The following AUTS2 variants were observed in gnomAD, a reference collection of about 807,000 sequenced individuals.
AUTS2 encodes autism susceptibility gene 2 protein.
AUTS2 carries 17 observed loss-of-function variants against 112.4 expected under a neutral mutation model. The ratio of observed to expected loss-of-function variants is 0.15; its 90% CI spans 0.10 to 0.23. The LOEUF (loss-of-function observed/expected upper bound fraction) is 0.23, where lower values mean the gene tolerates loss of function less well. Ranked by LOEUF, AUTS2 falls within the 10% of genes least tolerant of loss-of-function variation. The pLI is 1.00. For missense variants in AUTS2, 1,510 were observed against 1,701.6 expected, an observed-to-expected ratio of 0.89 and a Z score of 1.98; for synonymous variants, 751 against 702.7, an observed-to-expected ratio of 1.07 and a Z score of -1.09.
chr7:70,106,401 C>G (rs1305115657), intron 2 of AUTS2, among the ~76,000 whole-genome samples: 2 of 152,142 alleles, frequency 1.3e-5, no homozygotes, highest in Non-Finnish European at 2.9e-5. Flanking sequence ...CACTGGACGT[C>G]ATATGAATGA....
chr7:70,653,130 C>T (rs1806596303), intron 5 of AUTS2, among the ~76,000 whole-genome samples: 1 of 152,116 alleles, frequency 6.6e-6, no homozygotes. Flanking sequence ...TGGTACACAC[C>T]TGCAGTCCTA....
Position 70,790,228 on chromosome 7 carries a change from G to A in AUTS2, c.3012G>A (p.Glu1004=). Residue 1004 remains glutamate (E), a synonymous_variant, in exon 19 of 19, where the codon GAG becomes GAA. Transcript: ENST00000342771. This position sits in a 1 kb window ranked among gnomAD's most constrained non-coding sequence, Gnocchi z 7.6. Reference sequence around the variant, plus strand: ...CCCCGCAGACCCACCGGGCCTCGGAGCCGCCGCCTCCCAACTCCTCGTCCA... The same window carrying A: ...CCCCGCAGACCCACCGGGCCTCGGAACCGCCGCCTCCCAACTCCTCGTCCA... ...PEAPQTHRAS[E]PPPPNSSSSV... 1.2e-6 allele frequency: 2 copies of A among 1,612,574 alleles called. No individual in the cohort carries two copies. Among genetic ancestry groups the A allele is most frequent in the South Asian group, 1.1e-5 (1 of 91,022 alleles).
chr7:69,973,802 T>C (rs1208846993), intron 2 of AUTS2, among the ~76,000 whole-genome samples: 1 of 152,156 alleles, frequency 6.6e-6, no homozygotes, highest in East Asian at 1.9e-4. Context: ...TCAATGTGTA[T>C]AATTCTTTGT....
At chr7:70,230,343 G>A (rs1345598093) in intron 4 of AUTS2, among the ~76,000 whole-genome samples, 1 of 152,088 alleles carries the variant, frequency 6.6e-6, no homozygotes, top group Non-Finnish European at 1.5e-5. Context: ...TGTGGCTGCT[G>A]TTGTCTCTAC....
chr7:70,520,843 C>T (rs1185347781), intron 5 of AUTS2, among the ~76,000 whole-genome samples: 1 of 152,188 alleles, frequency 6.6e-6, no homozygotes, highest in African/African-American at 2.4e-5. Flanking sequence ...TCAGGATCTT[C>T]AACAATTCTT....
intron 1 of AUTS2, among the ~76,000 whole-genome samples, chr7:69,718,427 T>C (rs1798737010): frequency 6.6e-6 from 1 of 152,196 alleles, no homozygotes; most frequent in African/African-American, 2.4e-5. Flanking sequence ...GACCTCATCT[T>C]TTTCCAGCAT....
intron 5 of AUTS2, among the ~76,000 whole-genome samples, chr7:70,494,823 CTT>C (rs1225327473): frequency 6.6e-6 from 1 of 152,048 alleles, no homozygotes; most frequent in Non-Finnish European, 1.5e-5. Context: ...AAAAATGTCT[CTT>C]GTTACATTTT....
chr7:70,213,942 C>G (rs1245022827), intron 4 of AUTS2, among the ~76,000 whole-genome samples: 3 of 152,092 alleles, frequency 2.0e-5, no homozygotes, highest in Non-Finnish European at 2.9e-5. Flanking sequence ...TATCAAAGTA[C>G]CTGGGCAGTG....
intron 5 of AUTS2, among the ~76,000 whole-genome samples, chr7:70,595,627 T>C (rs1429677612): frequency 2.0e-5 from 3 of 152,106 alleles, no homozygotes; most frequent in Admixed American, 1.3e-4. Flanking sequence ...GGCCTAGCTT[T>C]TCCACCCACT....
chr7:70,707,012 C>G (rs1241048418), intron 6 of AUTS2, among the ~76,000 whole-genome samples: 1 of 152,146 alleles, frequency 6.6e-6, no homozygotes, highest in Non-Finnish European at 1.5e-5. Flanking sequence ...CACCTTAGAA[C>G]CAATTTTTCC....
chr7:69,824,774 T>C (rs1791166886), intron 1 of AUTS2: 1 of 152,190 alleles, frequency 6.6e-6, no homozygotes, highest in Non-Finnish European at 1.5e-5. Context: ...GGCTTGAGTT[T>C]ATATGTGGTT....
At chr7:69,943,693 T>C (rs1796707938) in intron 2 of AUTS2, among the ~76,000 whole-genome samples, 1 of 152,170 alleles carries the variant, frequency 6.6e-6, no homozygotes, top group Non-Finnish European at 1.5e-5. Context: ...GAACAAATTT[T>C]CCATTTACTA....
intron 3 of AUTS2, among the ~76,000 whole-genome samples, chr7:70,134,071 A>G (rs1420610011): frequency 2.6e-5 from 4 of 152,164 alleles, no homozygotes; most frequent in Non-Finnish European, 5.9e-5. Flanking sequence ...TACACTGGAA[A>G]AGTCATCCAA....
In AUTS2 at chr7:70,790,000, C is replaced by T. The variant is rs79439293; in HGVS notation, c.2784C>T (p.Ala928=). Residue 928 remains alanine, a synonymous_variant, in exon 19 of 19, where the codon GCC becomes GCT. Coordinates refer to ENST00000342771, the MANE Select transcript of AUTS2 (RefSeq NM_015570.4). ...ACGGGCACGGCCACGAGGGGCGCGC[C>T]GCGGGCGAAGAGGCCAAGCAGCTGG... ...EKDGHGHEGR[A]AGEEAKQLAR... is the part of the protein sequence containing the mutation. 4.0e-3 allele frequency: 6,472 copies of T among 1,600,692 alleles called. 17 individuals are homozygous for T. Among genetic ancestry groups the T allele is most frequent in the African/African-American group, 9.9e-3 (743 of 74,780 alleles).
At position 70,340,163 on chromosome 7, in the gene AUTS2, A is replaced by AACACACACACACACACACACACAC. The variant is rs71077652; in HGVS notation, c.661-95580_661-95557dup. On this transcript the variant is annotated intron_variant, in intron 4 of 18. Coordinates refer to ENST00000342771, the MANE Select transcript of AUTS2 (RefSeq NM_015570.4). Reference sequence around the variant, plus strand: ...CCATCTGTGTCCATGTATGGAGAGAAACACACACACACACACACACACACA... The same window carrying AACACACACACACACACACACACAC: ...CCATCTGTGTCCATGTATGGAGAGAAACACACACACACACACACACACACACACACACACACACACACACACACA... Among the ~76,000 whole-genome samples the AACACACACACACACACACACACAC allele has an allele frequency of 4.4e-4, 63 of 144,764 alleles. 1 individual carries two copies. The highest frequency in any genetic ancestry group is 1.4e-3 in the African/African-American group (56 of 39,046). The allele number at this position is 144,764 out of a possible 152,430, so 95.0% of individuals were successfully genotyped here.
intron 2 of AUTS2, among the ~76,000 whole-genome samples, chr7:70,083,039 A>G (rs1182683138): frequency 1.3e-5 from 2 of 152,180 alleles, no homozygotes; most frequent in Non-Finnish European, 2.9e-5. Context: ...TTCAAATTTC[A>G]TAAACTCGCT....
intron 1 of AUTS2, among the ~76,000 whole-genome samples, chr7:69,760,163 T>C (rs553309770): frequency 2.4e-3 from 363 of 150,314 alleles, no homozygotes; most frequent in African/African-American, 8.3e-3. Flanking sequence ...CTGAGTTTAA[T>C]TGGAGATAAT....
At chr7:70,391,430 T>C (rs1431790709) in intron 4 of AUTS2, among the ~76,000 whole-genome samples, 2 of 152,204 alleles carry the variant, frequency 1.3e-5, no homozygotes, top group East Asian at 3.9e-4. Context: ...GCAAATAAAA[T>C]ACAACAAAAC....
intron 2 of AUTS2, among the ~76,000 whole-genome samples, chr7:70,075,282 C>T (rs1802972975): frequency 6.6e-6 from 1 of 152,122 alleles, no homozygotes; most frequent in African/African-American, 2.4e-5. Context: ...CAGTGTCTCC[C>T]TCAAGTTCAG....
Sources: gnomAD v4.1 joint callset for allele counts (sites outside exome capture counted in the v4.1 genomes callset) on GRCh38, gnomAD v4.1.1 for gene constraint, Gnocchi (gnomAD v3.1) non-coding constraint, MANE v1.5 for transcripts, NCBI Gene and HGNC (gene_info 2026-07-23, HGNC 2026-07-21) for gene names.